Variants in AMZ1 observed in about 807,000 individuals in gnomAD.
AMZ1 encodes the protein archaelysin family metallopeptidase 1.
Under a neutral mutation model 29.9 loss-of-function variants are expected in AMZ1, and 39 were observed. The ratio of observed to expected loss-of-function variants is 1.30; its 90% CI spans 1.01 to 1.70. AMZ1 has a LOEUF of 1.70. Among genes scored for constraint, AMZ1 ranks in the 40% most tolerant of loss-of-function variants. AMZ1 has a pLI of 0.00. For missense variants in AMZ1, 1,041 were observed against 680.6 expected (o/e 1.53, Z -5.89); for synonymous variants, 458 against 304.0 (o/e 1.51, Z -5.27).
At chr7:2,750,560 C>T (rs1437730111) in intron 4 of AMZ1, among the ~76,000 whole-genome samples, 7 of 152,176 alleles carry the variant, frequency 4.6e-5, no homozygotes, top group Non-Finnish European at 7.3e-5. Flanking sequence ...TAAAACAGAA[C>T]AATTGTAACA....
chr7:2,762,897 C>T (rs1312482233), upstream of AMZ1: 20 of 1,423,924 alleles, frequency 1.4e-5, no homozygotes, highest in Admixed American at 3.0e-5. Flanking sequence ...ATTGGTGCTG[C>T]GGCGGGGAGA....
chr7:2,681,102 A>T (rs777163885), intron 1 of AMZ1, among the ~76,000 whole-genome samples: 21 of 152,246 alleles, frequency 1.4e-4, no homozygotes, highest in Admixed American at 9.8e-4. Context: ...ACTACGTTTC[A>T]GAGTTGAGGA....
chr7:2,738,363 C>T (rs798517), intron 4 of AMZ1, among the ~76,000 whole-genome samples: 87,052 of 151,882 alleles, frequency 0.57, 25,220 homozygotes, highest in Admixed American at 0.63. Flanking sequence ...CTGCAGGAAA[C>T]GTCTAGTAGG....
chr7:2,708,982 C>G, intron 4 of AMZ1, 93 bp from the exon 5 acceptor site: 1 of 1,434,996 alleles, frequency 7.0e-7, no homozygotes, highest in Non-Finnish European at 9.3e-7. Context: ...GGGCCATGGC[C>G]AGCTTGCATG....
rs1488610679 is a variant in AMZ1 at position 2,702,788 on chromosome 7, T to C, written c.371T>C (p.Phe124Ser). The change falls in exon 3 of 7, where the codon TTC becomes TCC. Residue 124 changes from phenylalanine to serine, a missense_variant. Coordinates refer to ENST00000683327, the MANE Select transcript of AMZ1 (RefSeq NM_001384743.1). ...HQLCSCTEAFFLGLRVKCLPS... is the reference protein window; with the variant it reads ...HQLCSCTEAFSLGLRVKCLPS... ...CTGTGCAGCTGCACAGAGGCCTTCTTCCTGGGCCTGCGCGTCAAGTGCCTG... is the reference window on the plus strand; with the variant it reads ...CTGTGCAGCTGCACAGAGGCCTTCTCCCTGGGCCTGCGCGTCAAGTGCCTG... 1 of 1,545,176 alleles carries C rather than the reference T, an allele frequency of 6.5e-7. No individual in the cohort carries two copies. Among genetic ancestry groups the C allele is most frequent in the Admixed American group, 1.9e-5 (1 of 51,402 alleles).
At chr7:2,703,913 G>C (rs556354324) in intron 3 of AMZ1, among the ~76,000 whole-genome samples, 26 of 152,222 alleles carry the variant, frequency 1.7e-4, no homozygotes, top group African/African-American at 5.5e-4. Context: ...TTCTGAGACA[G>C]AATCTTGCTC....
intron 4 of AMZ1, among the ~76,000 whole-genome samples, chr7:2,725,754 G>T (rs1248814562): frequency 6.6e-6 from 1 of 152,242 alleles, no homozygotes; most frequent in Non-Finnish European, 1.5e-5. Flanking sequence ...GGCGGCTTCA[G>T]CTCCTTTCTT....
upstream of AMZ1, among the ~76,000 whole-genome samples, chr7:2,683,440 T>C (rs149032226): frequency 0.017 from 2,629 of 152,184 alleles, 68 homozygotes; most frequent in African/African-American, 0.061. Flanking sequence ...TGTTTGTTTT[T>C]GTTTTTGTTT....
upstream of AMZ1, among the ~76,000 whole-genome samples, chr7:2,687,231 G>A (rs745754785): frequency 4.6e-5 from 7 of 152,090 alleles, no homozygotes; most frequent in Non-Finnish European, 1.0e-4. Context: ...GGCGGCTGAG[G>A]CAGAAGAATG....
chr7:2,746,688 T>C (rs1004552389), intron 4 of AMZ1, among the ~76,000 whole-genome samples: 9 of 151,670 alleles, frequency 5.9e-5, no homozygotes, highest in African/African-American at 2.2e-4. Context: ...CTGAAGGAAA[T>C]AGAGACACAA....
intron 4 of AMZ1, among the ~76,000 whole-genome samples, chr7:2,758,869 G>A (rs1791423489): frequency 6.6e-6 from 1 of 152,200 alleles, no homozygotes; most frequent in Admixed American, 6.5e-5. Context: ...TCTCTGCTGG[G>A]CGCGGTGGCT....
In AMZ1 at chr7:2,715,120, G is replaced by A. The variant is rs550453615; in HGVS notation, c.*2242G>A. ...CGGTTGCCCTCCTAAGGTGGACATCGGGAGGGTCAGATGGAAGCTCTGTGG... is the reference window on the plus strand; with the variant it reads ...CGGTTGCCCTCCTAAGGTGGACATCAGGAGGGTCAGATGGAAGCTCTGTGG... On this transcript the variant is annotated 3_prime_UTR_variant, in exon 7 of 7. Coordinates refer to ENST00000683327, the MANE Select transcript of AMZ1 (RefSeq NM_001384743.1). The A allele has an allele frequency of 6.6e-6, 1 of 152,278 alleles. No individual in the cohort carries two copies. The highest frequency in any genetic ancestry group is 1.5e-5 in the Non-Finnish European group (1 of 68,026). The allele number at this position is 152,278 out of a possible 1,614,324, so 9.4% of individuals were successfully genotyped here.
intron 4 of AMZ1, among the ~76,000 whole-genome samples, chr7:2,742,288 T>A (rs1790546304): frequency 6.6e-6 from 1 of 152,134 alleles, no homozygotes; most frequent in Non-Finnish European, 1.5e-5. Context: ...AGTGCTGGGA[T>A]TACAGGTGTG....
At chr7:2,752,275 T>C (rs1403636934) in intron 4 of AMZ1, among the ~76,000 whole-genome samples, 2 of 152,112 alleles carry the variant, frequency 1.3e-5, no homozygotes, top group African/African-American at 4.8e-5. Context: ...ACCAGACTAA[T>C]AGAAAGAAAC....
intron 6 of AMZ1, among the ~76,000 whole-genome samples, chr7:2,711,809 G>A (rs776519577): frequency 9.9e-5 from 15 of 152,138 alleles, no homozygotes; most frequent in Admixed American, 1.3e-4. Context: ...TTTGGGAGGC[G>A]GAGGTGGGTG....
chr7:2,697,520 C>G (rs1460479532), intron 1 of AMZ1, among the ~76,000 whole-genome samples: 5 of 152,026 alleles, frequency 3.3e-5, no homozygotes, highest in African/African-American at 9.7e-5. Context: ...ACTTTCTGGG[C>G]TCAGGTGATC....
intron 4 of AMZ1, among the ~76,000 whole-genome samples, chr7:2,739,259 C>G (rs1432157332): frequency 6.6e-6 from 1 of 152,224 alleles, no homozygotes; most frequent in Non-Finnish European, 1.5e-5. Context: ...ACGGCCACCA[C>G]TTCTACAGCC....
intron 6 of AMZ1, among the ~76,000 whole-genome samples, chr7:2,711,614 T>C (rs1788784023): frequency 6.6e-6 from 1 of 152,214 alleles, no homozygotes; most frequent in Non-Finnish European, 1.5e-5. Flanking sequence ...CCCCTGGTGG[T>C]CTCACTATGT....
upstream of AMZ1, among the ~76,000 whole-genome samples, chr7:2,687,061 GCTCACGC>G (rs563973697): frequency 2.0e-5 from 3 of 149,362 alleles, no homozygotes; most frequent in African/African-American, 4.9e-5. Flanking sequence ...GGGTGTGGTG[GCTCACGC>G]CTGTACTCCC....
Sources: allele counts gnomAD v4.1 joint callset (sites outside exome capture counted in the v4.1 genomes callset), GRCh38; gene constraint gnomAD v4.1.1; transcripts MANE v1.5; gene names NCBI Gene and HGNC (gene_info 2026-07-23, HGNC 2026-07-21).